The following MTCH1 variants were observed in gnomAD, a reference collection of about 807,000 sequenced individuals.
MTCH1 encodes the protein mitochondrial carrier homolog 1.
A neutral mutation model predicts 49.3 loss-of-function variants in MTCH1; 23 were observed. The ratio of observed to expected loss-of-function variants is 0.47; its 90% CI spans 0.34 to 0.66. MTCH1 has a LOEUF of 0.66. Ranked by LOEUF, MTCH1 falls within the 30% of genes least tolerant of loss-of-function variation. The probability of loss-of-function intolerance (pLI) is 0.01; values close to 1 mark genes in which losing one functional copy is unlikely to be tolerated. For missense variants in MTCH1, 397 were observed against 532.1 expected (o/e 0.75, Z 2.50); for synonymous variants, 229 against 215.2 (o/e 1.06, Z -0.56).
rs555209332 is a variant in MTCH1, at chr6:36,979,482, C to T, written c.407-871G>A. ...GCATGCTCCCCCTGTTAGACCATGA[C>T]TTTAGCTCTCTGGCACCGCGCAGAG... On this transcript the variant is annotated intron_variant, in intron 2 of 11. Coordinates refer to ENST00000373627, the MANE Select transcript of MTCH1 (RefSeq NM_001271641.2). 6.2e-4 allele frequency among the ~76,000 whole-genome samples: 94 copies of T among 152,354 alleles called. No homozygotes were observed. The South Asian group carries it at 8.9e-3, about 14-fold the overall frequency.
In MTCH1 at chr6:36,977,913, C is replaced by T. The variant is rs189694390; in HGVS notation, c.591+165G>A. ...CCCAACAATGGCTGAGAAGGCTTTC[C>T]GGGGTTCCCGGCACATCCAGGCCAG... On this transcript the variant is annotated intron_variant, in intron 4 of 11. Coordinates refer to ENST00000373627, the MANE Select transcript of MTCH1 (RefSeq NM_001271641.2). This position sits in a 1 kb window ranked among gnomAD's most constrained non-coding sequence, Gnocchi z 5.4. 9.9e-4 allele frequency among the ~76,000 whole-genome samples: 151 copies of T among 152,310 alleles called. No individual in the cohort carries two copies. Among genetic ancestry groups the T allele is most frequent in the Non-Finnish European group, 1.9e-3 (130 of 68,016 alleles).
rs530137959 is a variant in MTCH1 at position 36,982,837 on chromosome 6, C to T, written c.322-1165G>A. 3.9e-5 allele frequency among the ~76,000 whole-genome samples: 6 copies of T among 152,356 alleles called. No individual in the cohort carries two copies. The highest frequency in any genetic ancestry group is 1.3e-4 in the Admixed American group (2 of 15,306). The stretch of plus-strand genomic sequence containing the variant: ...AGCACCTAGGTGGGGAGTGAGAAGG[C>T]TCCTTCCTCCCTTGGCAAGGGGCCA... On this transcript the variant is annotated intron_variant, in intron 1 of 11. Transcript: ENST00000373627. This position sits in a 1 kb window ranked among gnomAD's most constrained non-coding sequence, Gnocchi z 4.1.
intron 8 of MTCH1, chr6:36,970,953 G>T: frequency 1.8e-6 from 1 of 542,978 alleles, no homozygotes. Context: ...CGGACTGTGA[G>T]CCTCAAGGGC....
chr6:36,977,389 G>A lies in MTCH1; in HGVS notation c.650-139C>T, dbSNP rs754623702. ...GAGCAGGAGAGGAAGAGGGCCTTTC[G>A]GATTCCCTGTTACACCCCATGACCA... On this transcript the variant is annotated intron_variant, in intron 5 of 11. Transcript: ENST00000373627. This position sits in a 1 kb window ranked among gnomAD's most constrained non-coding sequence, Gnocchi z 5.4. The A allele has an allele frequency of 1.0e-5, 9 of 878,660 alleles. No homozygotes were observed. In the Admixed American group the frequency reaches 1.1e-4, roughly 10 times the overall value. 54.4% of individuals were successfully genotyped at this position (878,660 alleles called of 1,614,324 possible).
intron 7 of MTCH1, among the ~76,000 whole-genome samples, chr6:36,974,788 G>A (rs141197178): frequency 1.8e-4 from 27 of 152,114 alleles, no homozygotes; most frequent in African/African-American, 4.8e-4. Context: ...CTCACAAACC[G>A]GAAAACCATG....
Position 36,977,698 on chromosome 6 carries a change from G to A in MTCH1, c.592-7C>T. On this transcript the variant is annotated splice_region_variant and splice_polypyrimidine_tract_variant and intron_variant, in intron 4 of 11. Coordinates refer to ENST00000373627, the MANE Select transcript of MTCH1 (RefSeq NM_001271641.2). This position sits in a 1 kb window ranked among gnomAD's most constrained non-coding sequence, Gnocchi z 5.4. ...TCATCATCTCGTAGGAGGTCTGGAAGAGAGCATGGGGTGGGGACTCGCCAC... is the reference window on the plus strand; with the variant it reads ...TCATCATCTCGTAGGAGGTCTGGAAAAGAGCATGGGGTGGGGACTCGCCAC... 1 of 1,605,952 alleles carries A rather than the reference G, an allele frequency of 6.2e-7. No homozygotes were observed. The highest frequency in any genetic ancestry group is 8.5e-7 in the Non-Finnish European group (1 of 1,176,286).
At chr6:36,976,911 A>G (rs1281851553) in intron 6 of MTCH1, among the ~76,000 whole-genome samples, 1 of 152,208 alleles carries the variant, frequency 6.6e-6, no homozygotes, top group Non-Finnish European at 1.5e-5. Flanking sequence ...AAGTGGCAGA[A>G]TCAGCTCTGG....
At chr6:36,971,498 C>A (rs1273652692) in intron 8 of MTCH1, among the ~76,000 whole-genome samples, 2 of 152,000 alleles carry the variant, frequency 1.3e-5, no homozygotes, top group Non-Finnish European at 2.9e-5. Context: ...ACCCACAAGG[C>A]CCCCCGAGAA....
chr6:36,968,824 T>C lies in MTCH1; in HGVS notation c.*79A>G. The C allele has an allele frequency of 1.3e-6, 2 of 1,598,392 alleles. No individual in the cohort carries two copies. The highest frequency in any genetic ancestry group is 1.7e-6 in the Non-Finnish European group (2 of 1,168,226). On this transcript the variant is annotated 3_prime_UTR_variant, in exon 12 of 12. Transcript: ENST00000373627. ...ACATCTGGTTGTTGTTGGGTTGGAG[T>C]CGTCTTGCAGGTGTCCCAAGGTGGT...
intron 10 of MTCH1, 26 bp from the exon 11 acceptor site, chr6:36,970,140 C>T: frequency 6.2e-7 from 1 of 1,609,930 alleles, no homozygotes; most frequent in South Asian, 1.1e-5. Context: ...AGTGTAGATG[C>T]AGAGAACAGT....
At position 36,968,940 on chromosome 6, in the gene MTCH1, C is replaced by A; in HGVS notation, c.1133G>T (p.Arg378Leu). 1 of 1,613,948 alleles carries A rather than the reference C, an allele frequency of 6.2e-7. No individual in the cohort carries two copies. Among genetic ancestry groups the A allele is most frequent in the Non-Finnish European group, 8.5e-7 (1 of 1,179,950 alleles). Reference sequence around the variant, plus strand: ...AAAGCATGATCCTGATGACACCCGGCGGAAAAGCAGGCTGGAGCCTCGGAA... The same window carrying A: ...AAAGCATGATCCTGATGACACCCGGAGGAAAAGCAGGCTGGAGCCTCGGAA... Reference protein sequence around the residue: ...QLFRGSSLLFRRVSSGSCFAL... With the variant: ...QLFRGSSLLFLRVSSGSCFAL... The change falls in exon 12 of 12, where the codon CGC (arginine) becomes CTC (leucine). Residue 378 changes from arginine to leucine, a missense_variant. Arg to Leu is a moderately radical substitution (Grantham distance 102). Coordinates refer to ENST00000373627, the MANE Select transcript of MTCH1 (RefSeq NM_001271641.2).
At position 36,970,030 on chromosome 6, in the gene MTCH1, C is replaced by T. The variant is rs766356862; in HGVS notation, c.1098+9G>A. ...CAGGAAAGGCCTCCGCCGTCCAGTG[C>T]TTGCTCACCTGCACACTCAGGTACT... On this transcript the variant is annotated intron_variant, in intron 11 of 11. Transcript: ENST00000373627. 3 of 1,613,980 alleles carry T rather than the reference C, an allele frequency of 1.9e-6. No individual in the cohort carries two copies. In the African/African-American group the frequency reaches 4.0e-5, roughly 22 times the overall value.
intron 8 of MTCH1, among the ~76,000 whole-genome samples, chr6:36,971,346 T>C (rs1195727324): frequency 6.6e-6 from 1 of 151,978 alleles, no homozygotes; most frequent in African/African-American, 2.4e-5. Context: ...CGAAAAACAC[T>C]TTAGACAAAT....
intron 7 of MTCH1, among the ~76,000 whole-genome samples, chr6:36,973,842 C>T (rs914389068): frequency 3.3e-5 from 5 of 152,210 alleles, no homozygotes; most frequent in African/African-American, 4.8e-5. Context: ...GCTGGGGTCC[C>T]GGGGCTGCCC....
At chr6:36,984,910 A>C (rs1288976478) in intron 1 of MTCH1, among the ~76,000 whole-genome samples, 2 of 151,910 alleles carry the variant, frequency 1.3e-5, no homozygotes, top group Non-Finnish European at 2.9e-5. Flanking sequence ...CCTTCTCCTC[A>C]TCTGCCCAGA....
At position 36,977,266 on chromosome 6, in the gene MTCH1, A is replaced by G. The variant is rs1763914005; in HGVS notation, c.650-16T>C. 1.2e-6 allele frequency: 2 copies of G among 1,613,752 alleles called. No individual in the cohort carries two copies. On this transcript the variant is annotated splice_polypyrimidine_tract_variant and intron_variant, in intron 5 of 11. Coordinates refer to ENST00000373627, the MANE Select transcript of MTCH1 (RefSeq NM_001271641.2). The surrounding 1 kb of genome is among the most constrained non-coding windows in gnomAD (Gnocchi z 5.4). ...ATTGAGATGACTGAGGAAAAAAAAG[A>G]AAACACACACAGGTGATGTGGTGGG...
At chr6:36,970,014 C>T (rs962809219) in intron 11 of MTCH1, 25 bp downstream of exon 11, 12 of 1,612,946 alleles carry the variant, frequency 7.4e-6, no homozygotes, top group Admixed American at 6.7e-5. Context: ...ACAGGAAAGG[C>T]CTCCGCCGTC....
chr6:36,972,920 C>A lies in MTCH1; in HGVS notation c.762-124G>T. 1.0e-6 allele frequency: 1 copy of A among 999,324 alleles called. No homozygotes were observed. Among genetic ancestry groups the A allele is most frequent in the Non-Finnish European group, 1.5e-6 (1 of 681,096 alleles). 61.9% of individuals were successfully genotyped at this position (999,324 alleles called of 1,614,324 possible). A position where few individuals can be genotyped will look rare whatever the true frequency, so the allele number is the denominator to read the frequency against. ...ATCTTAGCATATCCAATGGCACAGC[C>A]TTAGAAAGGAGGCCTGCAGGGTCCA... On this transcript the variant is annotated intron_variant, in intron 7 of 11. Transcript: ENST00000373627. The surrounding 1 kb of genome is among the most constrained non-coding windows in gnomAD (Gnocchi z 4.1).
chr6:36,970,407 C>T lies in MTCH1; in HGVS notation c.1021G>A (p.Gly341Arg), dbSNP rs1393026945. ...GCAAGTAGAGGGGCGCACACCTACC[C>T]GCAGTTGTTCACAGCCATGAGGTCG... ...VGDLMAVNNC[G>R]LQAGLPPYSP... The change falls in exon 10 of 12, where the codon GGG (glycine) becomes AGG (arginine). Residue 341 changes from glycine to arginine, a missense_variant and splice_region_variant. Gly to Arg is a moderately radical substitution (Grantham distance 125). Coordinates refer to ENST00000373627, the MANE Select transcript of MTCH1 (RefSeq NM_001271641.2). 3.7e-6 allele frequency: 6 copies of T among 1,613,968 alleles called. No homozygotes were observed. The highest frequency in any genetic ancestry group is 1.3e-5 in the African/African-American group (1 of 74,928).
Sources: gnomAD v4.1 joint callset for allele counts (sites outside exome capture counted in the v4.1 genomes callset) on GRCh38, gnomAD v4.1.1 for gene constraint, Gnocchi (gnomAD v3.1) non-coding constraint, MANE v1.5 for transcripts, NCBI Gene and HGNC (gene_info 2026-07-23, HGNC 2026-07-21) for gene names.